QKI: variants seen among roughly 807,000 people sequenced by gnomAD.
QKI encodes QKI, KH domain containing RNA binding.
A neutral mutation model predicts 39.0 loss-of-function variants in QKI; 10 were observed. The observed-to-expected ratio is 0.26, with a 90% CI of 0.16 to 0.43. The LOEUF (loss-of-function observed/expected upper bound fraction) is 0.43. Ranked by LOEUF, QKI falls within the 20% of genes least tolerant of loss-of-function variation. The pLI is 1.00. For synonymous variants in QKI, 204 were observed against 155.4 expected (o/e 1.31, Z -2.33); for missense variants, 218 against 428.0 (o/e 0.51, Z 4.33).
rs891052132 is a variant in QKI at position 163,576,951 on chromosome 6, ATTTT to A, written c.*6245_*6248del. On this transcript the variant is annotated 3_prime_UTR_variant, in exon 8 of 8. Coordinates refer to ENST00000361752, the MANE Select transcript of QKI (RefSeq NM_006775.3). ...CATAGTTGGACTGTGCATCCAAAAC[ATTTT>A]TTTATCTTTAATAAATGGTACAGTT... 6.6e-6 allele frequency: 1 copy of A among 152,076 alleles called. No homozygotes were observed. Among genetic ancestry groups the A allele is most frequent in the Non-Finnish European group, 1.5e-5 (1 of 68,006 alleles). 9.4% of individuals were successfully genotyped at this position (152,076 alleles called of 1,614,324 possible).
At chr6:163,551,094 T>G (rs556914806) in intron 4 of QKI, among the ~76,000 whole-genome samples, 1 of 152,270 alleles carries the variant, frequency 6.6e-6, no homozygotes, top group Non-Finnish European at 1.5e-5. Flanking sequence ...AAAATACCAG[T>G]GCTTGCATAT....
chr6:163,421,766 T>C (rs927853924), intron 1 of QKI, among the ~76,000 whole-genome samples: 10 of 151,630 alleles, frequency 6.6e-5, no homozygotes, highest in African/African-American at 1.9e-4. Context: ...TTTTTTTCAG[T>C]TGGAGTCTCG....
chr6:163,417,839 A>T (rs1008451874), intron 1 of QKI, among the ~76,000 whole-genome samples: 2 of 152,132 alleles, frequency 1.3e-5, no homozygotes, highest in African/African-American at 4.8e-5. Flanking sequence ...AGGAAGTTTG[A>T]TTGTTTTTTA....
intron 3 of QKI, among the ~76,000 whole-genome samples, chr6:163,532,618 T>C (rs1780933137): frequency 6.6e-6 from 1 of 152,226 alleles, no homozygotes; most frequent in Non-Finnish European, 1.5e-5. Flanking sequence ...GGCAAGACCT[T>C]TCTGTGTCCC....
chr6:163,426,521 GT>G, intron 1 of QKI, among the ~76,000 whole-genome samples: 2 of 152,042 alleles, frequency 1.3e-5, no homozygotes, highest in Middle Eastern at 6.8e-3. Flanking sequence ...GTTTTGTTTT[GT>G]TTTGTTTCCC....
At chr6:163,436,633 G>A (rs1270406509) in intron 1 of QKI, among the ~76,000 whole-genome samples, 3 of 151,996 alleles carry the variant, frequency 2.0e-5, no homozygotes, top group South Asian at 4.2e-4. Flanking sequence ...GGCCAACATG[G>A]TGAAACTCCA....
intron 1 of QKI, among the ~76,000 whole-genome samples, chr6:163,438,608 G>A (rs1309844079): frequency 1.3e-5 from 2 of 152,068 alleles, no homozygotes; most frequent in Non-Finnish European, 2.9e-5. Context: ...TTGTGTAAAC[G>A]TAGAAACATT....
At chr6:163,417,500 ATC>A (rs1238476868) in intron 1 of QKI, among the ~76,000 whole-genome samples, 1 of 152,222 alleles carries the variant, frequency 6.6e-6, no homozygotes, top group African/African-American at 2.4e-5. Flanking sequence ...TTGATCTAAA[ATC>A]TCTAAATTTA....
In QKI at chr6:163,447,874, T is replaced by C. The variant is rs539358577; in HGVS notation, c.143-7405T>C. 3.3e-5 allele frequency among the ~76,000 whole-genome samples: 5 copies of C among 152,282 alleles called. No individual in the cohort carries two copies. The South Asian group carries it at 1.0e-3, about 32-fold the overall frequency. On this transcript the variant is annotated intron_variant, in intron 1 of 7. Transcript: ENST00000361752. ...TGCTTTCTACTCTCCTAATAGGTGA[T>C]TATTGTAAGAAAAATTTATATAATA...
At chr6:163,417,415 C>T (rs889494126) in intron 1 of QKI, among the ~76,000 whole-genome samples, 2 of 152,110 alleles carry the variant, frequency 1.3e-5, no homozygotes, top group Non-Finnish European at 2.9e-5. Flanking sequence ...AAAATACTTT[C>T]ACCTTATGTA....
At chr6:163,444,241 G>A (rs1789977987) in intron 1 of QKI, among the ~76,000 whole-genome samples, 1 of 152,198 alleles carries the variant, frequency 6.6e-6, no homozygotes, top group Non-Finnish European at 1.5e-5. Context: ...AGAAGACAAA[G>A]AGATGCATTT....
In QKI at chr6:163,415,475, A is replaced by G. The variant is rs564934057; in HGVS notation, c.142+140A>G. On this transcript the variant is annotated intron_variant, in intron 1 of 7. Transcript: ENST00000361752. Reference sequence around the variant, plus strand: ...GGGGACTGGGAGGCCAGGAGGGCGCACAAAGGAGGTGCCGGGCCGGGCTTG... The same window carrying G: ...GGGGACTGGGAGGCCAGGAGGGCGCGCAAAGGAGGTGCCGGGCCGGGCTTG... The G allele has an allele frequency of 4.1e-4, 308 of 753,084 alleles. No homozygotes were observed. The African/African-American group carries it at 4.8e-3, about 12-fold the overall frequency. The allele number at this position is 753,084 out of a possible 1,614,324, so 46.7% of individuals were successfully genotyped here.
intron 3 of QKI, among the ~76,000 whole-genome samples, chr6:163,515,864 T>A (rs1307454100): frequency 6.6e-6 from 1 of 152,174 alleles, no homozygotes; most frequent in East Asian, 1.9e-4. Flanking sequence ...CAATTGACAT[T>A]TGCTATGTAA....
Position 163,577,401 on chromosome 6 carries a change from A to G in QKI, c.*6691A>G, listed in dbSNP as rs1462495451. ...TAAAAGTGGCAACACTAGACTTAAA[A>G]AAAAAAAAGTCTGATTGCCCATATT... On this transcript the variant is annotated 3_prime_UTR_variant, in exon 8 of 8. Transcript: ENST00000361752. 1.4e-5 allele frequency: 2 copies of G among 140,552 alleles called. No homozygotes were observed. Among genetic ancestry groups the G allele is most frequent in the East Asian group, 3.8e-4 (2 of 5,200 alleles). The allele number at this position is 140,552 out of a possible 1,614,324, so 8.7% of individuals were successfully genotyped here. A position where few individuals can be genotyped will look rare whatever the true frequency, so the allele number is the denominator to read the frequency against.
chr6:163,522,922 C>T (rs769801229), intron 3 of QKI, among the ~76,000 whole-genome samples: 2 of 151,764 alleles, frequency 1.3e-5, no homozygotes, highest in Non-Finnish European at 3.0e-5. Flanking sequence ...AATAGGACGT[C>T]GCAACCTACC....
At chr6:163,560,961 T>C (rs1382592669) in intron 4 of QKI, among the ~76,000 whole-genome samples, 1 of 152,166 alleles carries the variant, frequency 6.6e-6, no homozygotes, top group Non-Finnish European at 1.5e-5. Context: ...TATCCTGATT[T>C]AGGTTTGAAG....
At position 163,535,273 on chromosome 6, in the gene QKI, T is replaced by C. The variant is rs894527550; in HGVS notation, c.546+148T>C. The C allele has an allele frequency of 6.3e-6, 5 of 797,286 alleles. No homozygotes were observed. In the African/African-American group the frequency reaches 7.2e-5, roughly 11 times the overall value. 49.4% of individuals were successfully genotyped at this position (797,286 alleles called of 1,614,324 possible). On this transcript the variant is annotated intron_variant, in intron 4 of 7. Coordinates refer to ENST00000361752, the MANE Select transcript of QKI (RefSeq NM_006775.3). ...ATTAAAAACACCTGACTGATACTTC[T>C]AACATAATAAAAACATAAAGTTCGT...
intron 3 of QKI, among the ~76,000 whole-genome samples, chr6:163,525,667 C>A (rs1359747455): frequency 1.3e-5 from 2 of 152,086 alleles, no homozygotes; most frequent in African/African-American, 4.8e-5. Context: ...GCCCGGCCAT[C>A]TTGTTTCTTT....
intron 3 of QKI, among the ~76,000 whole-genome samples, chr6:163,482,504 G>A (rs73244776): frequency 0.02 from 3,081 of 152,230 alleles, 104 homozygotes; most frequent in African/African-American, 0.07. Context: ...CACTTCAGAT[G>A]CCAGTTACAA....
Sources: allele counts gnomAD v4.1 joint callset (sites outside exome capture counted in the v4.1 genomes callset), GRCh38; gene constraint gnomAD v4.1.1; transcripts MANE v1.5; gene names NCBI Gene and HGNC (gene_info 2026-07-23, HGNC 2026-07-21).